CHCHD6: variants seen among roughly 807,000 people sequenced by gnomAD.
CHCHD6 encodes MICOS complex subunit MIC25.
In CHCHD6, 28 loss-of-function variants were observed where a neutral mutation model predicts 32.3. The observed-to-expected ratio is 0.87, with a 90% confidence interval of 0.64 to 1.19. CHCHD6 has a LOEUF of 1.19. Ranked by LOEUF, CHCHD6 falls within the 50% of genes most tolerant of loss-of-function variation. The pLI is 0.00. For missense variants in CHCHD6, 333 were observed against 307.0 expected, an observed-to-expected ratio of 1.08 and a Z score of -0.63; for synonymous variants, 122 against 117.5, an observed-to-expected ratio of 1.04 and a Z score of -0.25.
At chr3:126,789,740 C>T (rs1048385609) in intron 4 of CHCHD6, among the ~76,000 whole-genome samples, 7 of 152,142 alleles carry the variant, frequency 4.6e-5, no homozygotes, top group Non-Finnish European at 1.0e-4. Flanking sequence ...GATGGGTTTC[C>T]TGAATACAGC....
chr3:126,822,063 G>A (rs1050548534), intron 4 of CHCHD6, among the ~76,000 whole-genome samples: 12 of 151,926 alleles, frequency 7.9e-5, no homozygotes, highest in African/African-American at 2.9e-4. Flanking sequence ...TTTTAATTTC[G>A]ATGAAATTCA....
At chr3:126,815,376 C>A (rs1388457280) in intron 4 of CHCHD6, among the ~76,000 whole-genome samples, 1 of 152,134 alleles carries the variant, frequency 6.6e-6, no homozygotes, top group African/African-American at 2.4e-5. Flanking sequence ...ATGTCCAGAT[C>A]CACACCGCAG....
chr3:126,914,219 A>G (rs930679810), intron 5 of CHCHD6, among the ~76,000 whole-genome samples: 2 of 152,194 alleles, frequency 1.3e-5, no homozygotes, highest in African/African-American at 2.4e-5. Context: ...CCACCTATAA[A>G]ATAGGGGTTG....
At chr3:126,741,385 G>C (rs1177126083) in intron 4 of CHCHD6, among the ~76,000 whole-genome samples, 1 of 151,544 alleles carries the variant, frequency 6.6e-6, no homozygotes, top group African/African-American at 2.4e-5. Flanking sequence ...AACAAGTGAG[G>C]TTCATGTAGC....
At chr3:126,949,803 A>G in intron 6 of CHCHD6, 1 of 163,602 alleles carries the variant, frequency 6.1e-6, no homozygotes, top group Non-Finnish European at 1.3e-5. Flanking sequence ...CAGAATTATC[A>G]TGGATGGAAG....
intron 4 of CHCHD6, among the ~76,000 whole-genome samples, chr3:126,807,790 T>C (rs970516134): frequency 3.9e-5 from 6 of 152,190 alleles, no homozygotes; most frequent in African/African-American, 1.4e-4. Context: ...TCCTGCTGTA[T>C]AACAAATTAC....
At chr3:126,792,125 A>C (rs778345224) in intron 4 of CHCHD6, among the ~76,000 whole-genome samples, 3 of 151,896 alleles carry the variant, frequency 2.0e-5, no homozygotes, top group Non-Finnish European at 4.4e-5. Flanking sequence ...CCGTTGATGG[A>C]CACTTGGGTT....
chr3:126,942,312 A>G (rs1433676568), intron 6 of CHCHD6, among the ~76,000 whole-genome samples: 2 of 151,978 alleles, frequency 1.3e-5, no homozygotes, highest in Non-Finnish European at 1.5e-5. Context: ...TGGGGGAGAT[A>G]CTCCAGTGTT....
At chr3:126,909,002 C>T (rs1172811825) in intron 5 of CHCHD6, among the ~76,000 whole-genome samples, 3 of 152,240 alleles carry the variant, frequency 2.0e-5, no homozygotes, top group Non-Finnish European at 4.4e-5. Flanking sequence ...TGCTGCCGCT[C>T]TGTTCTTGGA....
intron 4 of CHCHD6, among the ~76,000 whole-genome samples, chr3:126,794,312 T>G (rs1258494224): frequency 4.1e-5 from 6 of 147,928 alleles, no homozygotes; most frequent in Admixed American, 4.1e-4. Flanking sequence ...TATATACATA[T>G]ATGTTTATAT....
intron 4 of CHCHD6, among the ~76,000 whole-genome samples, chr3:126,737,572 T>C (rs1936104650): frequency 6.6e-6 from 1 of 152,014 alleles, no homozygotes; most frequent in African/African-American, 2.4e-5. Context: ...CCACATAGCG[T>C]TGCAAGGGTC....
At chr3:126,802,756 T>C (rs1479361199) in intron 4 of CHCHD6, among the ~76,000 whole-genome samples, 1 of 152,040 alleles carries the variant, frequency 6.6e-6, no homozygotes, top group Non-Finnish European at 1.5e-5. Flanking sequence ...CCAAGACACA[T>C]AACTGTCAGA....
At chr3:126,759,670 T>G (rs1225586235) in intron 4 of CHCHD6, among the ~76,000 whole-genome samples, 1 of 152,222 alleles carries the variant, frequency 6.6e-6, no homozygotes, top group African/African-American at 2.4e-5. Context: ...GGGTGATTTT[T>G]TGCTCTCCTC....
At chr3:126,923,856 A>G (rs542272804) in intron 6 of CHCHD6, among the ~76,000 whole-genome samples, 7 of 152,358 alleles carry the variant, frequency 4.6e-5, no homozygotes, top group African/African-American at 1.7e-4. Context: ...ATTGGAGTGT[A>G]ATAGCCAAAA....
intron 5 of CHCHD6, among the ~76,000 whole-genome samples, chr3:126,864,830 C>G (rs940643854): frequency 2.1e-5 from 3 of 142,938 alleles, no homozygotes; most frequent in Non-Finnish European, 3.0e-5. Flanking sequence ...ATCATCTCCT[C>G]TTCCTCCTCC....
At chr3:126,732,117 A>G (rs2107659079) in intron 3 of CHCHD6, among the ~76,000 whole-genome samples, 1 of 151,124 alleles carries the variant, frequency 6.6e-6, no homozygotes, top group African/African-American at 2.4e-5. Context: ...AAAGCCAACT[A>G]TTAACCTGAA....
chr3:126,928,682 C>G (rs543836640), intron 6 of CHCHD6, among the ~76,000 whole-genome samples: 1 of 152,318 alleles, frequency 6.6e-6, no homozygotes, highest in East Asian at 1.9e-4. Context: ...CCCTGGGAAG[C>G]GGAGGCTCTC....
chr3:126,754,380 G>T (rs995934977), intron 4 of CHCHD6, among the ~76,000 whole-genome samples: 5 of 152,180 alleles, frequency 3.3e-5, no homozygotes, highest in African/African-American at 4.8e-5. Context: ...AAGAGATGGT[G>T]CCAGCAGCTG....
intron 6 of CHCHD6, among the ~76,000 whole-genome samples, chr3:126,942,640 G>A (rs1053402407): frequency 6.6e-6 from 1 of 151,962 alleles, no homozygotes; most frequent in African/African-American, 2.4e-5. Flanking sequence ...CTAGCGCAAG[G>A]TGTTCAGGCT....
Sources: gnomAD v4.1 joint callset for allele counts (sites outside exome capture counted in the v4.1 genomes callset) on GRCh38, gnomAD v4.1.1 for gene constraint, MANE v1.5 for transcripts, NCBI Gene and HGNC (gene_info 2026-07-23, HGNC 2026-07-21) for gene names.